Variants in ANKIB1 observed in about 807,000 individuals in gnomAD.
ANKIB1 encodes ankyrin repeat and IBR domain-containing protein 1.
In ANKIB1, 43 loss-of-function variants were observed where a neutral mutation model predicts 122.1. That is an observed-to-expected ratio of 0.35 (90% CI 0.28 to 0.45). ANKIB1 has a LOEUF of 0.45. Ranked by LOEUF, ANKIB1 falls within the 20% of genes least tolerant of loss-of-function variation. The probability of loss-of-function intolerance (pLI) is 1.00; values close to 1 mark genes in which losing one functional copy is unlikely to be tolerated. For missense variants in ANKIB1, 992 were observed against 1,329.5 expected (o/e 0.75, Z 3.95); for synonymous variants, 390 against 442.0 (o/e 0.88, Z 1.48).
intron 2 of ANKIB1, among the ~76,000 whole-genome samples, chr7:92,302,619 A>C (rs1802480535): frequency 6.6e-6 from 1 of 152,210 alleles, no homozygotes; most frequent in Admixed American, 6.5e-5. Context: ...ATCTTCTATA[A>C]AACAGCCTCT....
intron 1 of ANKIB1, 90 bp from the exon 2 acceptor site, chr7:92,294,799 C>A: frequency 2.0e-6 from 1 of 497,198 alleles, no homozygotes; most frequent in Non-Finnish European, 3.4e-6. Context: ...TCGATGATTC[C>A]CAGATTTTTT....
chr7:92,334,272 A>G (rs1803239802), intron 5 of ANKIB1, among the ~76,000 whole-genome samples: 2 of 152,164 alleles, frequency 1.3e-5, no homozygotes, highest in African/African-American at 2.4e-5. Context: ...GCTCAGTTAA[A>G]TAAGTAACAT....
At chr7:92,277,133 AAGTGG>A (rs1223141602) in intron 1 of ANKIB1, among the ~76,000 whole-genome samples, 1 of 152,102 alleles carries the variant, frequency 6.6e-6, no homozygotes, top group Admixed American at 6.6e-5. Flanking sequence ...GCCTCTCCAG[AAGTGG>A]AGCAGATGCG....
intron 10 of ANKIB1, among the ~76,000 whole-genome samples, chr7:92,367,465 A>G (rs1804116167): frequency 6.6e-6 from 1 of 152,228 alleles, no homozygotes; most frequent in Non-Finnish European, 1.5e-5. Flanking sequence ...GTACTATTTT[A>G]GCTTCATGTA....
intron 16 of ANKIB1, among the ~76,000 whole-genome samples, chr7:92,391,998 A>G (rs1804797133): frequency 6.6e-6 from 1 of 152,192 alleles, no homozygotes; most frequent in Admixed American, 6.5e-5. Context: ...AAATAGAAGC[A>G]TTATAAAATA....
At position 92,312,004 on chromosome 7, in the gene ANKIB1, A is replaced by ATTAAT. The variant is rs1288399318; in HGVS notation, c.486+4348_486+4349insTTAAT. Among the ~76,000 whole-genome samples, 3 of 152,218 alleles carry ATTAAT rather than the reference A, an allele frequency of 2.0e-5. No individual in the cohort carries two copies. The East Asian group carries it at 5.8e-4, about 29-fold the overall frequency. ...TCACTAGTGCTTGATTCTTGACTCT[A>ATTAAT]GATTCTATTAATGATGCTACCATTA... On this transcript the variant is annotated intron_variant, in intron 3 of 19. Transcript: ENST00000265742.
intron 7 of ANKIB1, 59 bp from the exon 8 acceptor site, chr7:92,350,891 G>A (rs959609514): frequency 1.4e-5 from 21 of 1,467,488 alleles, no homozygotes; most frequent in Non-Finnish European, 1.7e-5. Flanking sequence ...AAAATTCTTA[G>A]AATGTATGCA....
chr7:92,296,999 A>G (rs1010980531), intron 2 of ANKIB1, among the ~76,000 whole-genome samples: 4 of 152,176 alleles, frequency 2.6e-5, no homozygotes, highest in Non-Finnish European at 5.9e-5. Flanking sequence ...TTCCCTTCCA[A>G]AACTGGGTCT....
intron 1 of ANKIB1, among the ~76,000 whole-genome samples, chr7:92,249,451 T>A (rs1801274481): frequency 6.6e-6 from 1 of 152,222 alleles, no homozygotes; most frequent in Non-Finnish European, 1.5e-5. Flanking sequence ...CCGGGTGCTG[T>A]GGCTCACGCC....
chr7:92,246,834 C>G (rs1460085830), intron 1 of ANKIB1, among the ~76,000 whole-genome samples: 1 of 152,178 alleles, frequency 6.6e-6, no homozygotes, highest in African/African-American at 2.4e-5. Context: ...CCCCCCACCC[C>G]CATCCTTTGA....
chr7:92,382,267 T>A (rs1194847321), intron 11 of ANKIB1, among the ~76,000 whole-genome samples: 1 of 152,148 alleles, frequency 6.6e-6, no homozygotes, highest in African/African-American at 2.4e-5. Context: ...AAAAGAGACT[T>A]AGCCTCCCAC....
intron 1 of ANKIB1, among the ~76,000 whole-genome samples, chr7:92,291,107 A>G (rs1802235563): frequency 6.6e-6 from 1 of 152,192 alleles, no homozygotes; most frequent in African/African-American, 2.4e-5. Context: ...CAGCCTGGCC[A>G]AAATGGCGAA....
At chr7:92,264,325 T>A (rs1008439513) in intron 1 of ANKIB1, among the ~76,000 whole-genome samples, 4 of 152,068 alleles carry the variant, frequency 2.6e-5, no homozygotes, top group Non-Finnish European at 5.9e-5. Flanking sequence ...TAAATTAATG[T>A]TAACCATAGT....
chr7:92,366,329 C>T (rs1804082745), intron 10 of ANKIB1, among the ~76,000 whole-genome samples: 1 of 152,088 alleles, frequency 6.6e-6, no homozygotes, highest in Non-Finnish European at 1.5e-5. Flanking sequence ...TCCTTGTGTG[C>T]ACTAAGTGAT....
Position 92,399,051 on chromosome 7 carries a change from TAAAC to T in ANKIB1, c.*103_*106del. 17 of 1,327,162 alleles carry T rather than the reference TAAAC, an allele frequency of 1.3e-5. No individual in the cohort carries two copies. Among genetic ancestry groups the T allele is most frequent in the South Asian group, 1.8e-5 (1 of 55,244 alleles). The allele number at this position is 1,327,162 out of a possible 1,614,324, so 82.2% of individuals were successfully genotyped here. On this transcript the variant is annotated 3_prime_UTR_variant, in exon 20 of 20. Transcript: ENST00000265742. ...GATTCACTTAATTCCAACTCAGTGA[TAAAC>T]CACTGACATTAGGGTTGAATACAGA...
intron 11 of ANKIB1, among the ~76,000 whole-genome samples, chr7:92,383,732 A>G (rs1804572163): frequency 6.6e-6 from 1 of 152,174 alleles, no homozygotes; most frequent in African/African-American, 2.4e-5. Context: ...GTATTGATGG[A>G]ACAGATCTCA....
At chr7:92,353,659 C>T (rs1391285345) in intron 9 of ANKIB1, among the ~76,000 whole-genome samples, 1 of 152,224 alleles carries the variant, frequency 6.6e-6, no homozygotes, top group Non-Finnish European at 1.5e-5. Context: ...TCGCCATCAT[C>T]ATTAGTTAAA....
chr7:92,319,329 G>T lies in ANKIB1; in HGVS notation c.487-1G>T. The T allele has an allele frequency of 1.3e-6, 2 of 1,551,058 alleles. No homozygotes were observed. Among genetic ancestry groups the T allele is most frequent in the Non-Finnish European group, 1.7e-6 (2 of 1,151,902 alleles). On this transcript the variant is annotated splice_acceptor_variant, in intron 3 of 19. Coordinates refer to ENST00000265742, the MANE Select transcript of ANKIB1 (RefSeq NM_019004.2). LOFTEE classifies it high-confidence loss of function. The stretch of plus-strand genomic sequence containing the variant: ...AAGTTTTTGAAAAAAAACTTTTTTA[G>T]CTTTTAGTAAAACATGGAGGAGACT...
At chr7:92,289,441 T>A (rs923575077) in intron 1 of ANKIB1, among the ~76,000 whole-genome samples, 1 of 152,188 alleles carries the variant, frequency 6.6e-6, no homozygotes, top group Admixed American at 6.5e-5. Context: ...TGAGGAAACA[T>A]CTCAAAGAGG....
Sources: allele counts gnomAD v4.1 joint callset (sites outside exome capture counted in the v4.1 genomes callset), GRCh38; gene constraint gnomAD v4.1.1; transcripts MANE v1.5; gene names NCBI Gene and HGNC (gene_info 2026-07-23, HGNC 2026-07-21).